Variants in HAT1 observed in about 807,000 individuals in gnomAD.
HAT1 encodes the protein histone acetyltransferase 1, also known as histone acetyltransferase type B catalytic subunit.
A neutral mutation model predicts 56.6 loss-of-function variants in HAT1; 20 were observed. That is an observed-to-expected ratio of 0.35 (90% confidence interval 0.25 to 0.51). The LOEUF (loss-of-function observed/expected upper bound fraction) is 0.51, where lower values mean the gene tolerates loss of function less well. Ranked by LOEUF, HAT1 falls within the 20% of genes least tolerant of loss-of-function variation. The pLI, the probability that HAT1 is intolerant of heterozygous loss-of-function variation, is 0.95. For synonymous variants in HAT1, 146 were observed against 165.5 expected, an observed-to-expected ratio of 0.88 and a Z score of 0.91; for missense variants, 408 against 504.3, an observed-to-expected ratio of 0.81 and a Z score of 1.83.
chr2:171,959,057 A>G (rs1228493735), intron 4 of HAT1, among the ~76,000 whole-genome samples: 1 of 152,172 alleles, frequency 6.6e-6, no homozygotes, highest in Non-Finnish European at 1.5e-5. Flanking sequence ...ATAATATGTA[A>G]CTACATTTAA....
At chr2:171,927,325 G>A (rs143256371) in intron 2 of HAT1, among the ~76,000 whole-genome samples, 321 of 152,296 alleles carry the variant, frequency 2.1e-3, no homozygotes, top group Non-Finnish European at 3.6e-3. Flanking sequence ...CTTCACAGTG[G>A]TTACAAAGAT....
At chr2:171,965,938 C>A in intron 6 of HAT1, 30 bp downstream of exon 6, 1 of 1,579,578 alleles carries the variant, frequency 6.3e-7, no homozygotes, top group Non-Finnish European at 8.6e-7. Flanking sequence ...AACAGTAGAC[C>A]TTATTACCTC....
intron 3 of HAT1, among the ~76,000 whole-genome samples, chr2:171,948,936 A>C (rs1311847251): frequency 6.6e-6 from 1 of 152,130 alleles, no homozygotes; most frequent in Non-Finnish European, 1.5e-5. Context: ...AGGTTTTTCC[A>C]CTATAAAGTT....
At chr2:171,977,252 A>C (rs1687990250) in intron 9 of HAT1, among the ~76,000 whole-genome samples, 1 of 151,756 alleles carries the variant, frequency 6.6e-6, no homozygotes, top group South Asian at 2.1e-4. Context: ...TCACGAGGTC[A>C]GGAGTTCGAG....
chr2:171,934,473 A>C (rs1686817582), intron 2 of HAT1, among the ~76,000 whole-genome samples: 1 of 152,190 alleles, frequency 6.6e-6, no homozygotes, highest in Non-Finnish European at 1.5e-5. Flanking sequence ...TAGAGGAAGC[A>C]TTTTGTGCAG....
chr2:171,948,188 A>G (rs1444964449), intron 3 of HAT1, among the ~76,000 whole-genome samples: 1 of 152,126 alleles, frequency 6.6e-6, no homozygotes, highest in Non-Finnish European at 1.5e-5. Flanking sequence ...TGTATTTCCT[A>G]AAAATAAGAT....
intron 8 of HAT1, among the ~76,000 whole-genome samples, chr2:171,975,224 C>T (rs1447040184): frequency 6.6e-6 from 1 of 151,964 alleles, no homozygotes; most frequent in Admixed American, 6.6e-5. Flanking sequence ...TCTGCCTCAG[C>T]CTCCCAAGTA....
rs1018481812 is a variant in HAT1, at chr2:171,940,966, C to G, written c.113-5742C>G. ...TGACTAGGGTTAGCAAAAAGACTTA[C>G]CAAAACTGTGACTGAGACAAGTGTA... On this transcript the variant is annotated intron_variant, in intron 2 of 10. Transcript: ENST00000264108. Among the ~76,000 whole-genome samples, 4 of 152,074 alleles carry G rather than the reference C, an allele frequency of 2.6e-5. No homozygotes were observed. The South Asian group carries it at 8.3e-4, about 31-fold the overall frequency.
intron 2 of HAT1, among the ~76,000 whole-genome samples, chr2:171,931,535 G>A (rs182595979): frequency 1.5e-4 from 23 of 152,110 alleles, no homozygotes; most frequent in African/African-American, 4.1e-4. Context: ...TTAGCTGGGC[G>A]TGATGGCACA....
intron 4 of HAT1, among the ~76,000 whole-genome samples, chr2:171,958,881 A>G (rs187163364): frequency 3.9e-5 from 6 of 152,304 alleles, no homozygotes; most frequent in Admixed American, 2.0e-4. Context: ...AAGATCTGAA[A>G]TAGTTTCATA....
intron 2 of HAT1, among the ~76,000 whole-genome samples, chr2:171,936,404 G>A (rs907391347): frequency 1.9e-4 from 29 of 152,276 alleles, no homozygotes; most frequent in Admixed American, 1.3e-3. Context: ...AACTGTTAGC[G>A]CAAGATAGGA....
intron 8 of HAT1, among the ~76,000 whole-genome samples, chr2:171,969,679 G>A (rs75096913): frequency 0.065 from 9,861 of 152,202 alleles, 438 homozygotes; most frequent in Non-Finnish European, 0.096. Context: ...CTTATATTAA[G>A]CTGCAAACAA....
intron 2 of HAT1, among the ~76,000 whole-genome samples, chr2:171,938,024 T>TCCTC: frequency 9.5e-6 from 1 of 104,848 alleles, no homozygotes; most frequent in East Asian, 3.5e-4. Flanking sequence ...TGTCTACTGA[T>TCCTC]TCTCTCTCTC....
chr2:171,969,466 T>A (rs972524560), intron 8 of HAT1, among the ~76,000 whole-genome samples: 1 of 152,192 alleles, frequency 6.6e-6, no homozygotes, highest in African/African-American at 2.4e-5. Context: ...GATGATGTAT[T>A]ACATTTAGAA....
At chr2:171,979,510 A>G (rs1558982276) in intron 10 of HAT1, 147 bp downstream of exon 10, 5 of 569,174 alleles carry the variant, frequency 8.8e-6, no homozygotes, top group Middle Eastern at 4.8e-4. Flanking sequence ...AGTAATTTAT[A>G]AAAATTCTCA....
chr2:171,935,533 A>G lies in HAT1; in HGVS notation c.112+9892A>G, dbSNP rs925877099. Among the ~76,000 whole-genome samples the G allele has an allele frequency of 2.0e-5, 3 of 149,300 alleles. No individual in the cohort carries two copies. In the East Asian group the frequency reaches 5.9e-4, roughly 29 times the overall value. ...TCCATCTCAAAAAAAAAAAAAAAAA[A>G]AAAAAGACAAAATTCATTTTAAGTC... On this transcript the variant is annotated intron_variant, in intron 2 of 10. Coordinates refer to ENST00000264108, the MANE Select transcript of HAT1 (RefSeq NM_003642.4).
chr2:171,946,673 C>G, intron 2 of HAT1, 35 bp from the exon 3 acceptor site: 1 of 1,206,334 alleles, frequency 8.3e-7, no homozygotes, highest in Non-Finnish European at 1.2e-6. Flanking sequence ...CTTTAGTTAT[C>G]TTTAATATCT....
chr2:171,966,632 G>C, intron 7 of HAT1, 119 bp downstream of exon 7: 1 of 660,618 alleles, frequency 1.5e-6, no homozygotes, highest in East Asian at 2.7e-5. Flanking sequence ...ATTATTCATG[G>C]GCTATGTACT....
intron 9 of HAT1, among the ~76,000 whole-genome samples, chr2:171,977,998 C>G (rs1178545100): frequency 6.6e-6 from 1 of 151,842 alleles, no homozygotes; most frequent in Non-Finnish European, 1.5e-5. Context: ...TCAGTGCTAC[C>G]AAAAACTTCC....
Sources: allele counts gnomAD v4.1 joint callset (sites outside exome capture counted in the v4.1 genomes callset), GRCh38; gene constraint gnomAD v4.1.1; transcripts MANE v1.5; gene names NCBI Gene and HGNC (gene_info 2026-07-23, HGNC 2026-07-21).